The following WDFY3 variants were observed in gnomAD, a reference collection of about 807,000 sequenced individuals.
The protein encoded by WDFY3 is WD repeat and FYVE domain-containing protein 3.
WDFY3 carries 66 observed loss-of-function variants against 409.6 expected under a neutral mutation model. That is an observed-to-expected ratio of 0.16 (90% CI 0.13 to 0.20). WDFY3 has a LOEUF of 0.20. Ranked by LOEUF, WDFY3 falls within the 10% of genes least tolerant of loss-of-function variation. WDFY3 has a pLI of 1.00. For synonymous variants in WDFY3, 1,521 were observed against 1,537.1 expected, an observed-to-expected ratio of 0.99 and a Z score of 0.25; for missense variants, 3,031 against 4,298.1, an observed-to-expected ratio of 0.71 and a Z score of 8.24.
At position 84,704,657 on chromosome 4, in the gene WDFY3, T is replaced by C. The variant is rs937048614; in HGVS notation, c.8336-213A>G. Among the ~76,000 whole-genome samples, 5 of 152,332 alleles carry C rather than the reference T, an allele frequency of 3.3e-5. No homozygotes were observed. The East Asian group carries it at 9.7e-4, about 29-fold the overall frequency. On this transcript the variant is annotated intron_variant, in intron 54 of 67. Coordinates refer to ENST00000295888, the MANE Select transcript of WDFY3 (RefSeq NM_014991.6). ...CCAGATTAAGTATAATTCAATGGCC[T>C]ATTCCCACAAACTTAGTATGTCTAC...
chr4:84,701,476 G>A (rs543394647), intron 56 of WDFY3, among the ~76,000 whole-genome samples: 2 of 152,212 alleles, frequency 1.3e-5, no homozygotes, highest in South Asian at 2.1e-4. Flanking sequence ...AAATTTGGAG[G>A]TAGTACAGTT....
intron 2 of WDFY3, among the ~76,000 whole-genome samples, chr4:84,924,815 C>T (rs1769757763): frequency 6.6e-6 from 1 of 152,156 alleles, no homozygotes. Context: ...ACTTTTCCTA[C>T]TATAGTACCT....
In WDFY3 at chr4:84,821,124, A is replaced by G; in HGVS notation, c.1551T>C (p.Ala517=). The change falls in exon 11 of 68, where the codon GCT becomes GCC. Residue 517 remains alanine, a synonymous_variant. Transcript: ENST00000295888. The stretch of plus-strand genomic sequence containing the variant: ...CCTGAGTTGGATCCTTCAACAGGGC[A>G]GCATATTTATGCAAAAGGTTTACCA... The part of the protein sequence containing the change: ...EVMVNLLHKY[A]ALLKDPTQAL... The G allele has an allele frequency of 1.2e-6, 2 of 1,613,438 alleles. No individual in the cohort carries two copies. The highest frequency in any genetic ancestry group is 1.7e-6 in the Non-Finnish European group (2 of 1,179,684).
chr4:84,721,097 A>G (rs1734793352), intron 47 of WDFY3, among the ~76,000 whole-genome samples: 1 of 152,244 alleles, frequency 6.6e-6, no homozygotes, highest in South Asian at 2.1e-4. Context: ...ACAAGGCCAG[A>G]TTACTGAATA....
At chr4:84,819,541 G>A (rs1263611644) in intron 12 of WDFY3, among the ~76,000 whole-genome samples, 1 of 152,062 alleles carries the variant, frequency 6.6e-6, no homozygotes, top group Non-Finnish European at 1.5e-5. Context: ...TAAAAAGCAA[G>A]AGTGATATTT....
At chr4:84,698,668 A>G (rs919450216) in intron 56 of WDFY3, among the ~76,000 whole-genome samples, 13 of 151,460 alleles carry the variant, frequency 8.6e-5, no homozygotes, top group Non-Finnish European at 1.2e-4. Context: ...TAGCAAGGGG[A>G]AAAAAAAATC....
At position 84,704,347 on chromosome 4, in the gene WDFY3, T is replaced by C. The variant is rs1731570599; in HGVS notation, c.8433A>G (p.Leu2811=). The change falls in exon 55 of 68, where the codon TTA becomes TTG. Residue 2811 remains leucine, a synonymous_variant. Coordinates refer to ENST00000295888, the MANE Select transcript of WDFY3 (RefSeq NM_014991.6). The part of the protein sequence containing the change: ...VRMEPFTQIF[L]RLQGGHFDLA... ...AAATTTAAAGTTTTACCTGTAGCCT[T>C]AAGAATATCTGTGTGAAAGGCTCCA... The C allele has an allele frequency of 2.5e-6, 4 of 1,602,132 alleles. No individual in the cohort carries two copies. Among genetic ancestry groups the C allele is most frequent in the Non-Finnish European group, 3.4e-6 (4 of 1,175,774 alleles).
chr4:84,728,631 C>G (rs1182322668), intron 44 of WDFY3, among the ~76,000 whole-genome samples: 2 of 152,152 alleles, frequency 1.3e-5, no homozygotes, highest in Non-Finnish European at 2.9e-5. Flanking sequence ...CTGTGACATT[C>G]ACTATATATA....
At chr4:84,741,606 C>T (rs551851557) in intron 38 of WDFY3, among the ~76,000 whole-genome samples, 155 bp downstream of exon 38, 8 of 152,254 alleles carry the variant, frequency 5.3e-5, no homozygotes, top group Non-Finnish European at 7.4e-5. Context: ...TGAGTCACTG[C>T]GCCCAGCCTG....
intron 1 of WDFY3, among the ~76,000 whole-genome samples, chr4:84,943,626 C>T (rs899973185): frequency 5.9e-5 from 9 of 152,084 alleles, no homozygotes; most frequent in Admixed American, 5.9e-4. Flanking sequence ...AAGTTATATG[C>T]AGATCAACTA....
At chr4:84,711,407 G>C (rs1171266889) in intron 51 of WDFY3, among the ~76,000 whole-genome samples, 1 of 152,060 alleles carries the variant, frequency 6.6e-6, no homozygotes, top group African/African-American at 2.4e-5. Flanking sequence ...AAATTGATAA[G>C]ATCTCAAAGG....
At position 84,924,584 on chromosome 4, in the gene WDFY3, GAAGTT is replaced by G. The variant is rs1395330547; in HGVS notation, c.-132+7681_-132+7685del. Among the ~76,000 whole-genome samples, 4 of 152,256 alleles carry G rather than the reference GAAGTT, an allele frequency of 2.6e-5. No homozygotes were observed. The East Asian group carries it at 5.8e-4, about 22-fold the overall frequency. On this transcript the variant is annotated intron_variant, in intron 2 of 67. Coordinates refer to ENST00000295888, the MANE Select transcript of WDFY3 (RefSeq NM_014991.6). ...ACAAAACAGAACATTGAGAATAAGA[GAAGTT>G]AAGTAGCCCAAGGTCACATGCTAGA...
At chr4:84,898,811 AC>A (rs1439834330) in intron 2 of WDFY3, among the ~76,000 whole-genome samples, 1 of 152,164 alleles carries the variant, frequency 6.6e-6, no homozygotes, top group Non-Finnish European at 1.5e-5. Context: ...ACAAACAACA[AC>A]CTTCCATCTG....
intron 3 of WDFY3, among the ~76,000 whole-genome samples, chr4:84,895,865 C>T (rs960608223): frequency 2.0e-5 from 3 of 151,914 alleles, no homozygotes; most frequent in East Asian, 3.9e-4. Flanking sequence ...TTGGGTGATA[C>T]GAACAATGGT....
At chr4:84,727,080 A>T (rs1471998253) in intron 44 of WDFY3, among the ~76,000 whole-genome samples, 169 bp from the exon 45 acceptor site, 1 of 152,192 alleles carries the variant, frequency 6.6e-6, no homozygotes, top group Non-Finnish European at 1.5e-5. Context: ...TCTTGTGGTT[A>T]CTGTCTCACA....
At chr4:84,786,739 T>C (rs1747623188) in intron 23 of WDFY3, among the ~76,000 whole-genome samples, 1 of 152,220 alleles carries the variant, frequency 6.6e-6, no homozygotes, top group East Asian at 1.9e-4. Flanking sequence ...AATAAATACA[T>C]GTGAAGGGCT....
intron 17 of WDFY3, among the ~76,000 whole-genome samples, chr4:84,801,416 GC>G (rs1335458270): frequency 6.6e-6 from 1 of 152,182 alleles, no homozygotes; most frequent in African/African-American, 2.4e-5. Context: ...GAAAGTGAGA[GC>G]TTGCTAGATT....
intron 15 of WDFY3, among the ~76,000 whole-genome samples, chr4:84,805,362 AG>A (rs1210821465): frequency 1.3e-5 from 2 of 152,194 alleles, no homozygotes; most frequent in East Asian, 3.8e-4. Flanking sequence ...ATTCTGAAAA[AG>A]GAATTACATT....
chr4:84,855,120 G>A (rs545449169), intron 4 of WDFY3, among the ~76,000 whole-genome samples: 21 of 152,208 alleles, frequency 1.4e-4, no homozygotes, highest in Middle Eastern at 3.4e-3. Flanking sequence ...TAAAATCTGC[G>A]TAGCACTATT....
Sources: allele counts gnomAD v4.1 joint callset (sites outside exome capture counted in the v4.1 genomes callset), GRCh38; gene constraint gnomAD v4.1.1; transcripts MANE v1.5; gene names NCBI Gene and HGNC (gene_info 2026-07-23, HGNC 2026-07-21).